MINPP1: variants seen among roughly 807,000 people sequenced by gnomAD.
MINPP1 encodes the protein multiple inositol-polyphosphate phosphatase 1, also known as multiple inositol polyphosphate phosphatase 1.
MINPP1 carries 28 observed loss-of-function variants against 46.1 expected under a neutral mutation model. The observed-to-expected ratio is 0.61, with a 90% CI of 0.45 to 0.83. The LOEUF is 0.83. MINPP1 is among the 40% of genes least tolerant of loss of function. The pLI, the probability that MINPP1 is intolerant of heterozygous loss-of-function variation, is 0.00. For missense variants in MINPP1, 603 were observed against 610.0 expected, an observed-to-expected ratio of 0.99 and a Z score of 0.12; for synonymous variants, 268 against 249.1, an observed-to-expected ratio of 1.08 and a Z score of -0.72.
At chr10:87,521,334 AACAT>A (rs1237922553) in intron 4 of MINPP1, among the ~76,000 whole-genome samples, 165 bp downstream of exon 4, 2 of 152,196 alleles carry the variant, frequency 1.3e-5, no homozygotes, top group East Asian at 3.8e-4. Context: ...TAAATTATAA[AACAT>A]ACGAACCTTC....
chr10:87,533,167 G>GT lies in MINPP1; in HGVS notation c.1067+12006dup, dbSNP rs1419162944. ...AGAATGTTAGTATGTATACAGATTG[G>GT]TTTTTTTTAATATTAACATTAAATC... On this transcript the variant is annotated intron_variant, in intron 4 of 4. Coordinates refer to ENST00000371996, the MANE Select transcript of MINPP1 (RefSeq NM_004897.5). 4.0e-5 allele frequency among the ~76,000 whole-genome samples: 6 copies of GT among 151,210 alleles called. No individual in the cohort carries two copies. In the East Asian group the frequency reaches 5.8e-4, roughly 15 times the overall value.
At chr10:87,537,595 A>G (rs2131833243) in intron 4 of MINPP1, among the ~76,000 whole-genome samples, 1 of 151,276 alleles carries the variant, frequency 6.6e-6, no homozygotes, top group East Asian at 1.9e-4. Flanking sequence ...CTATAGGAAT[A>G]TATTCTCTTA....
At position 87,504,945 on chromosome 10, in the gene MINPP1, G is replaced by C. The variant is rs1415866380; in HGVS notation, c.30G>C (p.Arg10=). ...TACGCGCGCCCGGCTGCCTCCTCCG[G>C]ACCTCCGTAGCGCCTGCCGCGGCCC... is the stretch of plus-strand genomic sequence containing the variant. MLRAPGCLL[R]TSVAPAAALA... is the part of the protein sequence containing the mutation. The change falls in exon 1 of 5, where the codon CGG becomes CGC. Residue 10 remains arginine, a synonymous_variant. Transcript: ENST00000371996. 1.9e-6 allele frequency: 3 copies of C among 1,611,464 alleles called. No individual in the cohort carries two copies. Among genetic ancestry groups the C allele is most frequent in the South Asian group, 1.1e-5 (1 of 90,870 alleles).
chr10:87,526,288 C>G (rs1477653080), intron 4 of MINPP1, among the ~76,000 whole-genome samples: 5 of 152,166 alleles, frequency 3.3e-5, no homozygotes, highest in Non-Finnish European at 7.4e-5. Flanking sequence ...TTGCATTTCT[C>G]TGATGGCCAG....
At position 87,505,234 on chromosome 10, in the gene MINPP1, G is replaced by T; in HGVS notation, c.319G>T (p.Gly107Trp). The T allele has an allele frequency of 6.2e-7, 1 of 1,612,622 alleles. No homozygotes were observed. Among genetic ancestry groups the T allele is most frequent in the Non-Finnish European group, 8.5e-7 (1 of 1,179,294 alleles). ...GATCCGCAAGCTGAGGCAGCTGCAC[G>T]GGTTGCTGCAGGCCCGCGGGTCCAG... ...KQIRKLRQLH[G>W]LLQARGSRDG... Residue 107 changes from glycine (G) to tryptophan (W), a missense_variant, in exon 1 of 5, where the codon GGG becomes TGG. Gly to Trp is a radical substitution (Grantham distance 184). Coordinates refer to ENST00000371996, the MANE Select transcript of MINPP1 (RefSeq NM_004897.5). The surrounding 1 kb of genome is among the most constrained non-coding windows in gnomAD (Gnocchi z 4.4).
chr10:87,506,593 GC>G (rs1396011327), intron 1 of MINPP1, among the ~76,000 whole-genome samples: 1 of 152,160 alleles, frequency 6.6e-6, no homozygotes, highest in Non-Finnish European at 1.5e-5. Context: ...TTCAGAGCTT[GC>G]TTTCTTAGCC....
Position 87,532,730 on chromosome 10 carries a change from G to A in MINPP1, c.1067+11561G>A, listed in dbSNP as rs1167461574. 2.6e-5 allele frequency among the ~76,000 whole-genome samples: 4 copies of A among 152,350 alleles called. No individual in the cohort carries two copies. The East Asian group carries it at 5.8e-4, about 22-fold the overall frequency. ...AACAGATTGACTAGTGCTGTGAGAAGCACTTCTAAAGAAAATCAATATATG... is the reference window on the plus strand; with the variant it reads ...AACAGATTGACTAGTGCTGTGAGAAACACTTCTAAAGAAAATCAATATATG... On this transcript the variant is annotated intron_variant, in intron 4 of 4. Transcript: ENST00000371996.
intron 4 of MINPP1, among the ~76,000 whole-genome samples, chr10:87,534,324 G>T (rs1387175805): frequency 6.6e-6 from 1 of 151,980 alleles, no homozygotes; most frequent in Non-Finnish European, 1.5e-5. Context: ...CACAGTGCTG[G>T]GATTACAGGA....
At chr10:87,514,117 G>A (rs1851376170) in intron 3 of MINPP1, among the ~76,000 whole-genome samples, 1 of 152,110 alleles carries the variant, frequency 6.6e-6, no homozygotes, top group African/African-American at 2.4e-5. Flanking sequence ...CACACTGGCA[G>A]ATTCCCTTTT....
intron 4 of MINPP1, among the ~76,000 whole-genome samples, chr10:87,542,698 T>C (rs537341682): frequency 7.2e-5 from 11 of 152,286 alleles, no homozygotes; most frequent in African/African-American, 2.4e-4. Flanking sequence ...CCTGAGGCCC[T>C]CCCCAGAAGC....
In MINPP1 at chr10:87,513,175, G is replaced by A; in HGVS notation, c.887G>A (p.Gly296Asp). ...FTCSFDLAIK[G>D]VKSPWCDVFD... ...TGTTCATTTGACCTGGCAATTAAAGGTGTTAAATCTCCTTGGTGTGATGTT... is the reference window on the plus strand; with the variant it reads ...TGTTCATTTGACCTGGCAATTAAAGATGTTAAATCTCCTTGGTGTGATGTT... The change falls in exon 3 of 5, where the codon GGT becomes GAT. Residue 296 changes from glycine (G) to aspartate (D), a missense_variant. Coordinates refer to ENST00000371996, the MANE Select transcript of MINPP1 (RefSeq NM_004897.5). 6.2e-7 allele frequency: 1 copy of A among 1,613,678 alleles called. No individual in the cohort carries two copies. Among genetic ancestry groups the A allele is most frequent in the Non-Finnish European group, 8.5e-7 (1 of 1,179,774 alleles).
rs1851230010 is a variant in MINPP1, at chr10:87,505,463, C to T, written c.548C>T (p.Ser183Phe). Reference sequence around the variant, plus strand: ...GGCCGCCTGCGGCTCATCACCAGTTCCAAGCACCGCTGCATGGATAGCAGC... The same window carrying T: ...GGCCGCCTGCGGCTCATCACCAGTTTCAAGCACCGCTGCATGGATAGCAGC... ...NYGRLRLITSSKHRCMDSSAA... is the reference protein window; with the variant it reads ...NYGRLRLITSFKHRCMDSSAA... Residue 183 changes from serine (S) to phenylalanine (F), a missense_variant, in exon 1 of 5, where the codon TCC becomes TTC. By Grantham distance (155) the Ser-to-Phe change is radical (BLOSUM62 -2). Transcript: ENST00000371996. This position sits in a 1 kb window ranked among gnomAD's most constrained non-coding sequence, Gnocchi z 4.4. 1.2e-6 allele frequency: 2 copies of T among 1,613,062 alleles called. No individual in the cohort carries two copies. Among genetic ancestry groups the T allele is most frequent in the Admixed American group, 1.7e-5 (1 of 59,956 alleles).
chr10:87,512,906 C>A (rs1851356087), intron 2 of MINPP1, among the ~76,000 whole-genome samples: 1 of 152,086 alleles, frequency 6.6e-6, no homozygotes, highest in African/African-American at 2.4e-5. Context: ...TATACTTCCT[C>A]ATGGTTTCTT....
In MINPP1 at chr10:87,505,009, C is replaced by T. The variant is rs542689260; in HGVS notation, c.94C>T (p.Leu32Phe). ...ALLSSLARCSLLEPRDPVASS... is the reference protein window; with the variant it reads ...ALLSSLARCSFLEPRDPVASS... ...GCTCTCGTCGCTTGCGCGCTGCTCT[C>T]TTCTAGAGCCGAGGGACCCGGTGGC... The change falls in exon 1 of 5, where the codon CTT becomes TTT. Residue 32 changes from leucine (L) to phenylalanine (F), a missense_variant. This residue lies in a region of MINPP1 where 239 missense variants were observed against 189.4 expected (regional missense o/e 1.26). Transcript: ENST00000371996. This position sits in a 1 kb window ranked among gnomAD's most constrained non-coding sequence, Gnocchi z 4.4. 35 of 1,612,994 alleles carry T rather than the reference C, an allele frequency of 2.2e-5. No homozygotes were observed. The East Asian group carries it at 7.6e-4, about 35-fold the overall frequency.
chr10:87,511,744 C>T (rs750831486), intron 2 of MINPP1, among the ~76,000 whole-genome samples: 7 of 151,900 alleles, frequency 4.6e-5, no homozygotes, highest in African/African-American at 1.5e-4. Context: ...AACTCTCTTC[C>T]GGTTTAAGAA....
At position 87,541,428 on chromosome 10, in the gene MINPP1, G is replaced by A. The variant is rs191814523; in HGVS notation, c.1068-10654G>A. 1.4e-4 allele frequency among the ~76,000 whole-genome samples: 21 copies of A among 152,286 alleles called. No homozygotes were observed. The East Asian group carries it at 3.9e-3, about 28-fold the overall frequency. On this transcript the variant is annotated intron_variant, in intron 4 of 4. Transcript: ENST00000371996. ...AAATGCCTGAAAAATTATTGGCTAA[G>A]TCCTCTTGAATTTTATACCTCATGA... is the stretch of plus-strand genomic sequence containing the variant.
chr10:87,538,755 T>A lies in MINPP1; in HGVS notation c.1068-13327T>A, dbSNP rs1380189730. Among the ~76,000 whole-genome samples the A allele has an allele frequency of 2.0e-5, 3 of 152,232 alleles. No individual in the cohort carries two copies. In the East Asian group the frequency reaches 5.8e-4, roughly 29 times the overall value. ...TTGTATACTTACATAAATATGGGAA[T>A]TATATGAGTTGTGTAAAGCTGTATT... On this transcript the variant is annotated intron_variant, in intron 4 of 4. Coordinates refer to ENST00000371996, the MANE Select transcript of MINPP1 (RefSeq NM_004897.5).
chr10:87,552,463 A>C lies in MINPP1; in HGVS notation c.1449A>C (p.Thr483=). 1.2e-6 allele frequency: 2 copies of C among 1,612,806 alleles called. No homozygotes were observed. The highest frequency in any genetic ancestry group is 1.7e-6 in the Non-Finnish European group (2 of 1,179,606). The change falls in exon 5 of 5, where the codon ACA becomes ACC. Residue 483 remains threonine, a synonymous_variant. Coordinates refer to ENST00000371996, the MANE Select transcript of MINPP1 (RefSeq NM_004897.5). ...EECELARANS[T]SDEL is the part of the protein sequence containing the mutation. ...GTGAATTAGCAAGGGCTAACAGTACATCTGATGAACTATGAGTAACTGAAG... is the reference window on the plus strand; with the variant it reads ...GTGAATTAGCAAGGGCTAACAGTACCTCTGATGAACTATGAGTAACTGAAG...
Position 87,521,017 on chromosome 10 carries a change from T to G in MINPP1, c.934-19T>G. Reference sequence around the variant, plus strand: ...ATATTTTTGAAAATATATTAGAAATTATTTTTGAATTTTTTTAGGTATTAG... The same window carrying G: ...ATATTTTTGAAAATATATTAGAAATGATTTTTGAATTTTTTTAGGTATTAG... On this transcript the variant is annotated intron_variant, in intron 3 of 4. Transcript: ENST00000371996. 1 of 871,056 alleles carries G rather than the reference T, an allele frequency of 1.1e-6. No individual in the cohort carries two copies. The highest frequency in any genetic ancestry group is 1.9e-6 in the Non-Finnish European group (1 of 539,126). 54.0% of individuals were successfully genotyped at this position (871,056 alleles called of 1,614,324 possible).
Sources: gnomAD v4.1 joint callset for allele counts (sites outside exome capture counted in the v4.1 genomes callset) on GRCh38, gnomAD v4.1.1 for gene constraint, gnomAD v4.1.1 regional missense constraint, Gnocchi (gnomAD v3.1) non-coding constraint, MANE v1.5 for transcripts, NCBI Gene and HGNC (gene_info 2026-07-23, HGNC 2026-07-21) for gene names.